The following NALF1 variants were observed in gnomAD, a reference collection of about 807,000 sequenced individuals.
The protein encoded by NALF1 is family with sequence similarity 155 member A.
Under a neutral mutation model 48.4 loss-of-function variants are expected in NALF1, and 3 were observed. That is an observed-to-expected ratio of 0.06 (90% confidence interval 0.03 to 0.16). NALF1 has a LOEUF of 0.16. NALF1 is among the 10% of genes least tolerant of loss of function. The pLI, the probability that NALF1 is intolerant of heterozygous loss-of-function variation, is 1.00. For synonymous variants in NALF1, 262 were observed against 245.7 expected, an observed-to-expected ratio of 1.07 and a Z score of -0.62; for missense variants, 526 against 571.5, an observed-to-expected ratio of 0.92 and a Z score of 0.81.
chr13:107,194,038 ATCTATCTATCTATCTATC>A (rs1879339410), intron 2 of NALF1, among the ~76,000 whole-genome samples: 2 of 147,874 alleles, frequency 1.4e-5, no homozygotes, highest in Admixed American at 6.7e-5. Context: ...CTATCTATCT[ATCTATCTATCTATCTATC>A]TATATATCAA....
At chr13:107,219,356 T>C (rs1229380890) in intron 1 of NALF1, among the ~76,000 whole-genome samples, 1 of 152,136 alleles carries the variant, frequency 6.6e-6, no homozygotes, top group East Asian at 1.9e-4. Context: ...AATTTATATC[T>C]CTAAAAAGGC....
At chr13:107,256,086 T>C (rs1880808213) in intron 1 of NALF1, among the ~76,000 whole-genome samples, 2 of 152,186 alleles carry the variant, frequency 1.3e-5, no homozygotes, top group African/African-American at 4.8e-5. Flanking sequence ...ATTTTTAAAT[T>C]TTAATGAATT....
chr13:107,778,257 C>T (rs2138575955), intron 1 of NALF1, among the ~76,000 whole-genome samples: 1 of 152,294 alleles, frequency 6.6e-6, no homozygotes, highest in East Asian at 1.9e-4. Context: ...TGTCTTCCTC[C>T]ATCCCTTGGT....
chr13:107,567,346 A>C (rs2138398432), intron 1 of NALF1, among the ~76,000 whole-genome samples: 1 of 152,352 alleles, frequency 6.6e-6, no homozygotes, highest in Admixed American at 6.5e-5. Context: ...TATTATATTT[A>C]GCCTTTTTAA....
intron 1 of NALF1, among the ~76,000 whole-genome samples, chr13:107,555,132 C>T (rs1453768266): frequency 6.6e-6 from 1 of 152,030 alleles, no homozygotes; most frequent in African/African-American, 2.4e-5. Context: ...ATTAAGCAGG[C>T]TGCTTAATTA....
intron 2 of NALF1, among the ~76,000 whole-genome samples, chr13:107,180,649 T>G (rs1387660436): frequency 1.3e-5 from 2 of 151,864 alleles, no homozygotes; most frequent in African/African-American, 4.8e-5. Flanking sequence ...ACACACTACA[T>G]GCATATAATT....
At chr13:107,240,034 T>C (rs889730619) in intron 1 of NALF1, among the ~76,000 whole-genome samples, 1 of 152,190 alleles carries the variant, frequency 6.6e-6, no homozygotes, top group African/African-American at 2.4e-5. Context: ...GGTAGGAATG[T>C]CACTTACAAG....
At chr13:107,768,826 C>G (rs988594538) in intron 1 of NALF1, among the ~76,000 whole-genome samples, 1 of 151,970 alleles carries the variant, frequency 6.6e-6, no homozygotes, top group African/African-American at 2.4e-5. Context: ...CTACAATGAA[C>G]TCAAACAAAT....
chr13:107,866,748 C>G lies in NALF1; in HGVS notation c.-152G>C, dbSNP rs1167679603. The G allele has an allele frequency of 1.1e-5, 7 of 617,420 alleles. No individual in the cohort carries two copies. The African/African-American group carries it at 1.3e-4, about 12-fold the overall frequency. 38.2% of individuals were successfully genotyped at this position (617,420 alleles called of 1,614,324 possible). A position where few individuals can be genotyped will look rare whatever the true frequency, so the allele number is the denominator to read the frequency against. ...CTCTCTTTCTCTCTCTTCCCCTCTC[C>G]CTCTCTCCTCTCTCTCTCTCTCCCT... On this transcript the variant is annotated 5_prime_UTR_variant, in exon 1 of 3. Transcript: ENST00000375915. This position sits in a 1 kb window ranked among gnomAD's most constrained non-coding sequence, Gnocchi z 4.4.
chr13:107,359,395 A>C (rs76457866), intron 1 of NALF1, among the ~76,000 whole-genome samples: 3,916 of 152,138 alleles, frequency 0.026, 185 homozygotes, highest in African/African-American at 0.089. Flanking sequence ...AAAATAGAAA[A>C]ATGCATTATC....
intron 1 of NALF1, among the ~76,000 whole-genome samples, chr13:107,376,188 A>C (rs1044698529): frequency 6.6e-6 from 1 of 152,168 alleles, no homozygotes; most frequent in African/African-American, 2.4e-5. Flanking sequence ...CCTGCCATCC[A>C]ACCCCACAGC....
intron 1 of NALF1, among the ~76,000 whole-genome samples, chr13:107,685,235 A>G (rs931198245): frequency 6.6e-6 from 1 of 152,044 alleles, no homozygotes; most frequent in Admixed American, 6.5e-5. Context: ...AATTGCTTGA[A>G]CCCAGGAAGC....
chr13:107,861,652 C>T lies in NALF1; in HGVS notation c.915+4030G>A, dbSNP rs182274960. Among the ~76,000 whole-genome samples the T allele has an allele frequency of 2.2e-4, 33 of 152,062 alleles. No individual in the cohort carries two copies. In the East Asian group the frequency reaches 2.4e-3, roughly 11 times the overall value. On this transcript the variant is annotated intron_variant, in intron 1 of 2. Coordinates refer to ENST00000375915, the MANE Select transcript of NALF1 (RefSeq NM_001080396.3). ...ACAAAAAATTAGCTAGGCGTGGTGG[C>T]GCGCACCTGTAGTCCCAGCTACGAG... is the stretch of plus-strand genomic sequence containing the variant.
intron 1 of NALF1, among the ~76,000 whole-genome samples, chr13:107,626,234 T>A (rs1465841008): frequency 1.3e-5 from 2 of 152,016 alleles, no homozygotes; most frequent in African/African-American, 4.8e-5. Context: ...TGCATTATTA[T>A]TTATAACTGA....
At chr13:107,591,480 A>G (rs1362450431) in intron 1 of NALF1, among the ~76,000 whole-genome samples, 1 of 152,062 alleles carries the variant, frequency 6.6e-6, no homozygotes, top group Admixed American at 6.6e-5. Context: ...TTTATTATAC[A>G]CATCAATTAA....
chr13:107,672,798 A>T (rs947360), intron 1 of NALF1, among the ~76,000 whole-genome samples: 1 of 151,828 alleles, frequency 6.6e-6, no homozygotes, highest in Non-Finnish European at 1.5e-5. Flanking sequence ...TGAGGTAAAA[A>T]ATTTTCCAAG....
intron 1 of NALF1, among the ~76,000 whole-genome samples, chr13:107,793,807 C>T (rs943738927): frequency 6.6e-6 from 1 of 151,944 alleles, no homozygotes; most frequent in Non-Finnish European, 1.5e-5. Context: ...AACTTAACTA[C>T]TTTCTTTAGT....
rs540680746 is a variant in NALF1, at chr13:107,428,568, C to A, written c.916-217813G>T. Among the ~76,000 whole-genome samples, 33 of 152,144 alleles carry A rather than the reference C, an allele frequency of 2.2e-4. 1 individual carries two copies. In the Middle Eastern group the frequency reaches 0.014, roughly 63 times the overall value. ...GGGCCTCCCAGAATCAGGAAACAGC[C>A]CTAGAGAAGGTGCCAAGCAACAGAA... On this transcript the variant is annotated intron_variant, in intron 1 of 2. Transcript: ENST00000375915.
intron 1 of NALF1, among the ~76,000 whole-genome samples, chr13:107,282,803 G>C (rs1387944408): frequency 6.6e-6 from 1 of 152,224 alleles, no homozygotes; most frequent in Non-Finnish European, 1.5e-5. Flanking sequence ...CCTCAGGAGA[G>C]ATGCTGTGCC....
Sources: allele counts gnomAD v4.1 joint callset (sites outside exome capture counted in the v4.1 genomes callset), GRCh38; gene constraint gnomAD v4.1.1; non-coding constraint Gnocchi (gnomAD v3.1); transcripts MANE v1.5; gene names NCBI Gene and HGNC (gene_info 2026-07-23, HGNC 2026-07-21).